FBXL20: variants seen among roughly 807,000 people sequenced by gnomAD.
FBXL20 encodes the protein F-box and leucine rich repeat protein 20, also known as F-box/LRR-repeat protein 20.
FBXL20 carries 11 observed loss-of-function variants against 64.0 expected under a neutral mutation model. The observed-to-expected ratio is 0.17, with a 90% CI of 0.11 to 0.28. The LOEUF is 0.28. Among genes scored for constraint, FBXL20 ranks in the 10% least tolerant of loss-of-function variants. FBXL20 has a pLI of 1.00. For synonymous variants in FBXL20, 184 were observed against 189.0 expected, an observed-to-expected ratio of 0.97 and a Z score of 0.22; for missense variants, 303 against 526.2, an observed-to-expected ratio of 0.58 and a Z score of 4.15.
rs112710894 is a variant in FBXL20 at position 39,311,654 on chromosome 17, T to C, written c.105-8015A>G. ...TTCCCAAAACAAAAAATTTATCTAA[T>C]GTAACAAACATTACATTGATGAAAT... is the stretch of plus-strand genomic sequence containing the variant. On this transcript the variant is annotated intron_variant, in intron 2 of 14. Transcript: ENST00000264658. Among the ~76,000 whole-genome samples, 48 of 152,336 alleles carry C rather than the reference T, an allele frequency of 3.2e-4. 1 individual carries two copies. Among genetic ancestry groups the C allele is most frequent in the Middle Eastern group, 3.4e-3 (1 of 294 alleles).
At chr17:39,297,794 G>C (rs1200352570) in intron 5 of FBXL20, among the ~76,000 whole-genome samples, 1 of 152,120 alleles carries the variant, frequency 6.6e-6, no homozygotes, top group Non-Finnish European at 1.5e-5. Flanking sequence ...GGAGTATAGT[G>C]GTGTGATCTC....
At chr17:39,362,700 C>T (rs1309404616) in intron 1 of FBXL20, among the ~76,000 whole-genome samples, 2 of 148,722 alleles carry the variant, frequency 1.3e-5, no homozygotes, top group African/African-American at 5.0e-5. Flanking sequence ...CTCACTGCAA[C>T]CTTCATCTCG....
intron 10 of FBXL20, among the ~76,000 whole-genome samples, chr17:39,274,266 T>C (rs644173): frequency 0.61 from 92,590 of 152,118 alleles, 31,825 homozygotes; most frequent in South Asian, 0.89. Context: ...TAGCCAGGTG[T>C]GGTAGCACAT....
chr17:39,305,992 A>C (rs1042498775), intron 2 of FBXL20, among the ~76,000 whole-genome samples: 12 of 151,320 alleles, frequency 7.9e-5, no homozygotes, highest in African/African-American at 2.9e-4. Flanking sequence ...TGTCTCAAAA[A>C]ACAAACAAAC....
intron 1 of FBXL20, among the ~76,000 whole-genome samples, chr17:39,344,410 T>C (rs886783516): frequency 2.0e-5 from 3 of 151,790 alleles, no homozygotes; most frequent in African/African-American, 7.3e-5. Context: ...ACTATTTTAA[T>C]ATGCCATTAA....
intron 2 of FBXL20, among the ~76,000 whole-genome samples, chr17:39,305,099 A>C (rs1288758335): frequency 6.6e-6 from 1 of 152,188 alleles, no homozygotes; most frequent in Non-Finnish European, 1.5e-5. Flanking sequence ...ACAGTTATGA[A>C]GAAAAAAAGA....
intron 2 of FBXL20, among the ~76,000 whole-genome samples, chr17:39,330,201 G>A (rs1168802411): frequency 6.6e-6 from 1 of 152,076 alleles, no homozygotes; most frequent in Non-Finnish European, 1.5e-5. Flanking sequence ...GGAGGCTGAG[G>A]CAGGAGAATT....
intron 1 of FBXL20, among the ~76,000 whole-genome samples, chr17:39,393,861 GT>G (rs1400150485): frequency 1.3e-5 from 2 of 152,092 alleles, no homozygotes; most frequent in East Asian, 3.8e-4. Context: ...ACGTATCTTT[GT>G]TTTTTATAAA....
rs201876025 is a variant in FBXL20, at chr17:39,261,444, T to G, written c.*16A>C. The G allele has an allele frequency of 1.2e-6, 2 of 1,602,074 alleles. No homozygotes were observed. The highest frequency in any genetic ancestry group is 1.7e-6 in the Non-Finnish European group (2 of 1,169,096). On this transcript the variant is annotated 3_prime_UTR_variant, in exon 15 of 15. Coordinates refer to ENST00000264658, the MANE Select transcript of FBXL20 (RefSeq NM_032875.3). ...TCATTAAATACTCAGTTCGCCAAGG[T>G]TGACCACCTCCATTGTCATAGGATG...
intron 1 of FBXL20, among the ~76,000 whole-genome samples, chr17:39,386,643 T>A (rs1321866737): frequency 2.0e-5 from 3 of 150,042 alleles, no homozygotes; most frequent in African/African-American, 5.0e-5. Context: ...TAATAATAAA[T>A]TTTTTTTTGC....
chr17:39,387,115 A>T (rs991980177), intron 1 of FBXL20, among the ~76,000 whole-genome samples: 7 of 152,144 alleles, frequency 4.6e-5, no homozygotes, highest in Non-Finnish European at 5.9e-5. Context: ...TCTGGTTTTC[A>T]CTTTCAGTAG....
At chr17:39,309,360 A>G (rs1289098762) in intron 2 of FBXL20, among the ~76,000 whole-genome samples, 3 of 152,176 alleles carry the variant, frequency 2.0e-5, no homozygotes, top group Non-Finnish European at 4.4e-5. Context: ...GGATATATAT[A>G]TTTAAAACCT....
In FBXL20 at chr17:39,252,904, T is replaced by C. The variant is rs1165393478; in HGVS notation, c.*8556A>G. 5 of 152,124 alleles carry C rather than the reference T, an allele frequency of 3.3e-5. No homozygotes were observed. The East Asian group carries it at 7.7e-4, about 23-fold the overall frequency. 9.4% of individuals were successfully genotyped at this position (152,124 alleles called of 1,614,324 possible). On this transcript the variant is annotated 3_prime_UTR_variant, in exon 15 of 15. Transcript: ENST00000264658. ...AAAGTACTGGGTGGAAACAGTCACT[T>C]GGAGAGCTAATGGAACCTGGTGCTA...
intron 2 of FBXL20, among the ~76,000 whole-genome samples, chr17:39,322,815 T>C (rs2047370207): frequency 6.6e-6 from 1 of 152,158 alleles, no homozygotes; most frequent in East Asian, 1.9e-4. Flanking sequence ...TTTATTTTTT[T>C]ATTTTTTGAG....
Position 39,401,349 on chromosome 17 carries a change from C to T in FBXL20, c.42+12G>A, listed in dbSNP as rs751513935. ...GCCCTCCTCACGCCGCCCGAGCCCCCCAAGCTCACACCTCAAACCTGCTCT... is the reference window on the plus strand; with the variant it reads ...GCCCTCCTCACGCCGCCCGAGCCCCTCAAGCTCACACCTCAAACCTGCTCT... On this transcript the variant is annotated intron_variant, in intron 1 of 14. Coordinates refer to ENST00000264658, the MANE Select transcript of FBXL20 (RefSeq NM_032875.3). 1 of 1,613,068 alleles carries T rather than the reference C, an allele frequency of 6.2e-7. No individual in the cohort carries two copies. Among genetic ancestry groups the T allele is most frequent in the Non-Finnish European group, 8.5e-7 (1 of 1,179,590 alleles).
intron 7 of FBXL20, 60 bp downstream of exon 7, chr17:39,285,418 A>AT (rs1272240876): frequency 1.8e-5 from 21 of 1,159,484 alleles, no homozygotes; most frequent in South Asian, 1.3e-4. Context: ...TATATCAATT[A>AT]TTTTTTTAAA....
chr17:39,276,271 GGGAAA>G (rs1364123949), intron 9 of FBXL20, among the ~76,000 whole-genome samples: 1 of 142,402 alleles, frequency 7.0e-6, no homozygotes, highest in African/African-American at 2.6e-5. Flanking sequence ...GAGGAAGAGA[GGGAAA>G]GGAAAGAAGG....
intron 1 of FBXL20, among the ~76,000 whole-genome samples, chr17:39,385,417 T>C (rs2048069104): frequency 6.6e-6 from 1 of 152,132 alleles, no homozygotes; most frequent in Non-Finnish European, 1.5e-5. Context: ...TTAAGATAAA[T>C]AGAAAATTGT....
At chr17:39,273,953 T>TAAGAC (rs1179591247) in intron 10 of FBXL20, among the ~76,000 whole-genome samples, 1 of 152,060 alleles carries the variant, frequency 6.6e-6, no homozygotes, top group African/African-American at 2.4e-5. Flanking sequence ...AGCTCACTGC[T>TAAGAC]GTCTTGACCT....
Sources: allele counts gnomAD v4.1 joint callset (sites outside exome capture counted in the v4.1 genomes callset), GRCh38; gene constraint gnomAD v4.1.1; transcripts MANE v1.5; gene names NCBI Gene and HGNC (gene_info 2026-07-23, HGNC 2026-07-21).